KCNH2: variants seen among roughly 807,000 people sequenced by gnomAD.
KCNH2 encodes voltage-gated inwardly rectifying potassium channel KCNH2.
KCNH2 carries 35 observed loss-of-function variants against 95.9 expected under a neutral mutation model. The observed-to-expected ratio is 0.37, with a 90% CI of 0.28 to 0.48. KCNH2 has a LOEUF of 0.48. Among genes scored for constraint, KCNH2 ranks in the 20% least tolerant of loss-of-function variants. The pLI is 0.99. For missense variants in KCNH2, 1,274 were observed against 1,702.9 expected, an observed-to-expected ratio of 0.75 and a Z score of 4.43; for synonymous variants, 786 against 754.7, an observed-to-expected ratio of 1.04 and a Z score of -0.68.
In KCNH2 at chr7:150,957,323, G is replaced by C; in HGVS notation, c.1096C>G (p.Arg366Gly). Reference protein sequence around the residue: ...REIIAPKIKERTHNVTEKVTQ... With the variant: ...REIIAPKIKEGTHNVTEKVTQ... ...ACCTTCTCAGTGACATTGTGGGTTC[G>C]CTCCTTTATCTTAGGTGCTATGATC... Residue 366 changes from arginine to glycine, a missense_variant, in exon 5 of 15, where the codon CGA (arginine) becomes GGA (glycine). By Grantham distance (125) the Arg-to-Gly change is moderately radical. Coordinates refer to ENST00000262186, the MANE Select transcript of KCNH2 (RefSeq NM_000238.4). 6.3e-7 allele frequency: 1 copy of C among 1,599,040 alleles called. No individual in the cohort carries two copies. The highest frequency in any genetic ancestry group is 8.5e-7 in the Non-Finnish European group (1 of 1,172,842).
Position 150,962,627 on chromosome 7 carries a change from C to CAGAGAGAGAGACAGAGAG in KCNH2, c.308-2892_308-2891insCTCTCTGTCTCTCTCTCT, listed in dbSNP as rs1554428943. Among the ~76,000 whole-genome samples, 2 of 146,360 alleles carry CAGAGAGAGAGACAGAGAG rather than the reference C, an allele frequency of 1.4e-5. No individual in the cohort carries two copies. Among genetic ancestry groups the CAGAGAGAGAGACAGAGAG allele is most frequent in the African/African-American group, 2.5e-5 (1 of 39,330 alleles). On this transcript the variant is annotated intron_variant, in intron 2 of 14. Coordinates refer to ENST00000262186, the MANE Select transcript of KCNH2 (RefSeq NM_000238.4). The surrounding 1 kb of genome is among the most constrained non-coding windows in gnomAD (Gnocchi z 5.7). ...CACACTTACACACACACACGAGAGA[C>CAGAGAGAGAGACAGAGAG]AGAGAGAGAGAGAGAGAGAGAGAGA...
At position 150,948,060 on chromosome 7, in the gene KCNH2, CCT is replaced by C. The variant is rs41314351; in HGVS notation, c.2693-184_2693-183del. The stretch of plus-strand genomic sequence containing the variant: ...AGCCGACCAAGAACTCCCAGGACCC[CCT>C]GACTGCCCAAGCACTGGCAATGGTG... On this transcript the variant is annotated intron_variant, in intron 11 of 14. Transcript: ENST00000262186. Among the ~76,000 whole-genome samples, 687 of 152,356 alleles carry C rather than the reference CCT, an allele frequency of 4.5e-3. 8 individuals are homozygous for C. Among genetic ancestry groups the C allele is most frequent in the Middle Eastern group, 0.017 (5 of 294 alleles).
At chr7:150,949,457 A>G in intron 9 of KCNH2, 2 of 745,496 alleles carry the variant, frequency 2.7e-6, no homozygotes, top group Non-Finnish European at 3.4e-6. Flanking sequence ...ACAGTAGTAT[A>G]GCTTAGCACA....
intron 1 of KCNH2, 92 bp downstream of exon 1, chr7:150,977,746 C>T (rs1337506846): frequency 1.8e-6 from 2 of 1,141,584 alleles, no homozygotes. Context: ...CTTGCCGACG[C>T]ACACGGCCCG....
rs199472846 is a variant in KCNH2 at position 150,974,849 on chromosome 7, C to T, written c.169G>A (p.Ala57Thr). 1 of 1,610,096 alleles carries T rather than the reference C, an allele frequency of 6.2e-7. No individual in the cohort carries two copies. The highest frequency in any genetic ancestry group is 8.5e-7 in the Non-Finnish European group (1 of 1,178,666). ...GTGCAGGGTCGCTGCATCACCTCGG[C>T]CCGCGAGTAGCCGCACAGCTCGCAG... ...GFCELCGYSRAEVMQRPCTCD... is the reference protein window; with the variant it reads ...GFCELCGYSRTEVMQRPCTCD... Residue 57 changes from alanine to threonine, a missense_variant, in exon 2 of 15, where the codon GCC (alanine) becomes ACC (threonine). Ala to Thr is a moderately conservative substitution (Grantham distance 58). This residue lies in a region of KCNH2 where 85 missense variants were observed against 174.7 expected (regional missense o/e 0.49). Coordinates refer to ENST00000262186, the MANE Select transcript of KCNH2 (RefSeq NM_000238.4).
intron 2 of KCNH2, among the ~76,000 whole-genome samples, chr7:150,971,895 C>A (rs947875486): frequency 2.6e-5 from 4 of 151,842 alleles, no homozygotes; most frequent in Non-Finnish European, 5.9e-5. Flanking sequence ...GGAGCCACAG[C>A]CCCCATGGCG....
chr7:150,964,904 G>T (rs1801661317), intron 2 of KCNH2, among the ~76,000 whole-genome samples: 1 of 152,200 alleles, frequency 6.6e-6, no homozygotes, highest in Non-Finnish European at 1.5e-5. Context: ...CTGGCAGGGG[G>T]CCACCGTGTC....
chr7:150,977,678 C>T (rs945315344), intron 1 of KCNH2, among the ~76,000 whole-genome samples, 160 bp downstream of exon 1: 1 of 151,830 alleles, frequency 6.6e-6, no homozygotes, highest in Admixed American at 6.6e-5. Flanking sequence ...TGCACCAAGC[C>T]TTGCCCCCGC....
intron 2 of KCNH2, 54 bp downstream of exon 2, chr7:150,974,657 C>G: frequency 3.3e-6 from 2 of 608,234 alleles, no homozygotes; most frequent in Non-Finnish European, 5.7e-6. Context: ...TCGCCGTGGT[C>G]CCGCCCCTCT....
chr7:150,947,959 G>T, intron 11 of KCNH2, 81 bp from the exon 12 acceptor site: 1 of 1,432,036 alleles, frequency 7.0e-7, no homozygotes. Context: ...GGACAGGAGC[G>T]AGCCCGAGAG....
chr7:150,948,160 CTA>C (rs1348855429), intron 11 of KCNH2, among the ~76,000 whole-genome samples: 2 of 152,166 alleles, frequency 1.3e-5, no homozygotes, highest in Admixed American at 1.3e-4. Flanking sequence ...CTCCTTTGTT[CTA>C]TGTTCTTTCC....
At chr7:150,948,663 C>A in intron 10 of KCNH2, 120 bp from the exon 11 acceptor site, 3 of 1,114,830 alleles carry the variant, frequency 2.7e-6, no homozygotes, top group Non-Finnish European at 4.0e-6. Flanking sequence ...CTGGGAAAAC[C>A]CTTCCCTGCC....
At chr7:150,967,366 G>A (rs1230150038) in intron 2 of KCNH2, among the ~76,000 whole-genome samples, 3 of 152,242 alleles carry the variant, frequency 2.0e-5, no homozygotes, top group African/African-American at 7.2e-5. Flanking sequence ...ACAGAATGAA[G>A]AGAGAGGATT....
chr7:150,945,280 GC>G lies in KCNH2; in HGVS notation c.*84del. On this transcript the variant is annotated 3_prime_UTR_variant, in exon 15 of 15. Transcript: ENST00000262186. This position sits in a 1 kb window ranked among gnomAD's most constrained non-coding sequence, Gnocchi z 5.6. Reference sequence around the variant, plus strand: ...GTTCCTCTCCCCTTCCACGGTCAGGGCCTCCTGAGCAGGGCCTCCAAGGGGA... The same window carrying G: ...GTTCCTCTCCCCTTCCACGGTCAGGGCTCCTGAGCAGGGCCTCCAAGGGGA... 7.0e-7 allele frequency: 1 copy of G among 1,429,378 alleles called. No individual in the cohort carries two copies. Among genetic ancestry groups the G allele is most frequent in the Non-Finnish European group, 9.5e-7 (1 of 1,056,806 alleles). 88.5% of individuals were successfully genotyped at this position (1,429,378 alleles called of 1,614,324 possible). A position where few individuals can be genotyped will look rare whatever the true frequency, so the allele number is the denominator to read the frequency against.
Position 150,945,360 on chromosome 7 carries a change from C to T in KCNH2, c.*5G>A. 2 of 1,586,148 alleles carry T rather than the reference C, an allele frequency of 1.3e-6. No individual in the cohort carries two copies. The highest frequency in any genetic ancestry group is 1.7e-6 in the Non-Finnish European group (2 of 1,167,620). ...TGAGCCACGTGTCCACACTGGGCAG[C>T]CCCACTAACTGCCCGGGTCCGAGCC... On this transcript the variant is annotated 3_prime_UTR_variant, in exon 15 of 15. Coordinates refer to ENST00000262186, the MANE Select transcript of KCNH2 (RefSeq NM_000238.4). The surrounding 1 kb of genome is among the most constrained non-coding windows in gnomAD (Gnocchi z 5.6).
chr7:150,973,212 A>G (rs1801884045), intron 2 of KCNH2, among the ~76,000 whole-genome samples: 1 of 152,224 alleles, frequency 6.6e-6, no homozygotes, highest in South Asian at 2.1e-4. Context: ...AACTTTTACA[A>G]TAAAATTTCA....
intron 5 of KCNH2, among the ~76,000 whole-genome samples, chr7:150,957,077 C>T (rs1801398818): frequency 6.6e-6 from 1 of 152,168 alleles, no homozygotes; most frequent in African/African-American, 2.4e-5. Flanking sequence ...CTTTACCAGA[C>T]CTCTCCAGTC....
Position 150,945,170 on chromosome 7 carries a change from GCCCTGC to G in KCNH2, c.*189_*194del, listed in dbSNP as rs1042514657. 1 of 644,064 alleles carries G rather than the reference GCCCTGC, an allele frequency of 1.6e-6. No individual in the cohort carries two copies. The highest frequency in any genetic ancestry group is 2.6e-6 in the Non-Finnish European group (1 of 380,962). The allele number at this position is 644,064 out of a possible 1,614,324, so 39.9% of individuals were successfully genotyped here. On this transcript the variant is annotated 3_prime_UTR_variant, in exon 15 of 15. Transcript: ENST00000262186. The surrounding 1 kb of genome is among the most constrained non-coding windows in gnomAD (Gnocchi z 5.6). Reference sequence around the variant, plus strand: ...GGACCACAGGCCCCACCTACTGCCGGCCCTGCCCCTGCCCCTCTCACTGGGGCCCAG... The same window carrying G: ...GGACCACAGGCCCCACCTACTGCCGGCCCTGCCCCTCTCACTGGGGCCCAG...
chr7:150,969,026 C>T (rs1024896047), intron 2 of KCNH2, among the ~76,000 whole-genome samples: 1 of 152,174 alleles, frequency 6.6e-6, no homozygotes, highest in Non-Finnish European at 1.5e-5. Flanking sequence ...ACTTAGCAAA[C>T]GAGGAATGGA....
Sources: allele counts gnomAD v4.1 joint callset (sites outside exome capture counted in the v4.1 genomes callset), GRCh38; gene constraint gnomAD v4.1.1; regional missense constraint gnomAD v4.1.1; non-coding constraint Gnocchi (gnomAD v3.1); transcripts MANE v1.5; gene names NCBI Gene and HGNC (gene_info 2026-07-23, HGNC 2026-07-21).